SCN10A: variants seen among roughly 807,000 people sequenced by gnomAD.
SCN10A encodes sodium channel protein type 10 subunit alpha.
In SCN10A, 162 loss-of-function variants were observed where a neutral mutation model predicts 170.7. That is an observed-to-expected ratio of 0.95 (90% CI 0.84 to 1.08). SCN10A has a LOEUF of 1.08. Among genes scored for constraint, SCN10A ranks in the 50% least tolerant of loss-of-function variants. The pLI is 0.00. For missense variants in SCN10A, 2,527 were observed against 2,436.9 expected (o/e 1.04, Z -0.78); for synonymous variants, 985 against 904.6 (o/e 1.09, Z -1.59).
At chr3:38,725,107 C>G (rs933889192) in intron 18 of SCN10A, 67 bp downstream of exon 18, 2 of 1,445,840 alleles carry the variant, frequency 1.4e-6, no homozygotes. Context: ...CACCCTCCAG[C>G]CTCTACCAGC....
chr3:38,801,160 G>A (rs965622455), intron 1 of SCN10A, among the ~76,000 whole-genome samples: 18 of 152,038 alleles, frequency 1.2e-4, no homozygotes, highest in African/African-American at 4.3e-4. Flanking sequence ...ATGTTTCTCT[G>A]ATTACACAAC....
intron 11 of SCN10A, among the ~76,000 whole-genome samples, chr3:38,755,345 T>C (rs1483084353): frequency 6.6e-6 from 1 of 152,008 alleles, no homozygotes; most frequent in African/African-American, 2.4e-5. Context: ...CCTTGCACTC[T>C]AGAACTGCAG....
chr3:38,761,518 C>A, intron 6 of SCN10A, 135 bp from the exon 7 acceptor site: 1 of 578,062 alleles, frequency 1.7e-6, no homozygotes, highest in East Asian at 3.1e-5. Flanking sequence ...AGTTCCAAGA[C>A]CTTTCTCATC....
At chr3:38,786,442 T>C (rs1030239268) in intron 4 of SCN10A, among the ~76,000 whole-genome samples, 8 of 151,562 alleles carry the variant, frequency 5.3e-5, no homozygotes, top group Non-Finnish European at 8.8e-5. Context: ...AGCACGTGGA[T>C]ACAGGGAGGG....
In SCN10A at chr3:38,757,111, A is replaced by G; in HGVS notation, c.999T>C (p.Asp333=). 6.2e-7 allele frequency: 1 copy of G among 1,613,538 alleles called. No homozygotes were observed. Among genetic ancestry groups the G allele is most frequent in the Non-Finnish European group, 8.5e-7 (1 of 1,179,732 alleles). Reference sequence around the variant, plus strand: ...AGGAATCAAAGCTGGTGTAGTTAAAATCCGGGTTGTCAGAAGTTTTAAGGC... The same window carrying G: ...AGGAATCAAAGCTGGTGTAGTTAAAGTCCGGGTTGTCAGAAGTTTTAAGGC... ...YICLKTSDNP[D]FNYTSFDSFA... The change falls in exon 9 of 28, where the codon GAT becomes GAC. Residue 333 remains aspartate (D), a synonymous_variant. Coordinates refer to ENST00000449082, the MANE Select transcript of SCN10A (RefSeq NM_006514.4).
chr3:38,763,435 G>T, intron 6 of SCN10A, 70 bp downstream of exon 6: 3 of 1,206,084 alleles, frequency 2.5e-6, no homozygotes, highest in Non-Finnish European at 3.7e-6. Context: ...ACCTTACAGG[G>T]TTCTTGTGAA....
intron 1 of SCN10A, among the ~76,000 whole-genome samples, chr3:38,798,125 A>G (rs1350613694): frequency 6.6e-6 from 1 of 152,214 alleles, no homozygotes; most frequent in Non-Finnish European, 1.5e-5. Flanking sequence ...TCTGAGAGCT[A>G]TTTCTAGGAA....
chr3:38,768,039 CT>C (rs2126038079), intron 5 of SCN10A, among the ~76,000 whole-genome samples: 1 of 152,118 alleles, frequency 6.6e-6, no homozygotes, highest in South Asian at 2.1e-4. Flanking sequence ...TCTGTTTTCT[CT>C]GATATAAGAA....
chr3:38,722,113 T>C (rs1575954003), intron 20 of SCN10A, 145 bp downstream of exon 20: 1 of 799,522 alleles, frequency 1.3e-6, no homozygotes, highest in South Asian at 1.8e-5. Context: ...GCCCTCGCCC[T>C]GGGCTGCAGC....
At chr3:38,794,349 C>T (rs1360446230) in intron 1 of SCN10A, among the ~76,000 whole-genome samples, 1 of 152,210 alleles carries the variant, frequency 6.6e-6, no homozygotes, top group Non-Finnish European at 1.5e-5. Context: ...ATGCTGCCCT[C>T]TCTCCTCATT....
chr3:38,705,758 C>T (rs1222736975), intron 26 of SCN10A, among the ~76,000 whole-genome samples: 2 of 152,046 alleles, frequency 1.3e-5, no homozygotes, highest in Non-Finnish European at 2.9e-5. Flanking sequence ...CAAGGGTTGT[C>T]CCTAGCACAC....
At chr3:38,700,374 G>A (rs2063143903) in intron 27 of SCN10A, among the ~76,000 whole-genome samples, 1 of 152,158 alleles carries the variant, frequency 6.6e-6, no homozygotes, top group South Asian at 2.1e-4. Context: ...TTATAGCATA[G>A]TCCCTATAGT....
chr3:38,709,955 C>G (rs747806350), intron 24 of SCN10A, among the ~76,000 whole-genome samples: 1 of 152,192 alleles, frequency 6.6e-6, no homozygotes, highest in Non-Finnish European at 1.5e-5. Flanking sequence ...AGGGTTGCCC[C>G]TAGGGACATT....
intron 3 of SCN10A, among the ~76,000 whole-genome samples, chr3:38,789,863 G>T (rs769076003): frequency 6.6e-5 from 10 of 152,098 alleles, no homozygotes; most frequent in Non-Finnish European, 2.9e-5. Context: ...TTCCCACTTG[G>T]ACATTTTTCT....
intron 19 of SCN10A, among the ~76,000 whole-genome samples, chr3:38,722,697 C>A (rs934568773): frequency 2.0e-5 from 3 of 152,114 alleles, no homozygotes; most frequent in Non-Finnish European, 4.4e-5. Context: ...CCCACCTATA[C>A]CTGGAAAACA....
At chr3:38,769,408 T>G (rs2063973399) in intron 5 of SCN10A, among the ~76,000 whole-genome samples, 1 of 152,038 alleles carries the variant, frequency 6.6e-6, no homozygotes. Context: ...CTAGCTAATT[T>G]TGTATTTTTT....
rs1199729142 is a variant in SCN10A, at chr3:38,728,704, G to C, written c.2478C>G (p.Asp826Glu). Residue 826 changes from aspartate to glutamate, a missense_variant, in exon 16 of 28, where the codon GAC becomes GAG. Coordinates refer to ENST00000449082, the MANE Select transcript of SCN10A (RefSeq NM_006514.4). ...NRKNISAPHE[D>E]WPRWHMHDFF... is the part of the protein sequence containing the mutation. ...AGTCGTGCATGTGCCAGCGGGGCCA[G>C]TCTTCATGGGGCGCGGAGATATTTT... is the stretch of plus-strand genomic sequence containing the variant. 6.2e-7 allele frequency: 1 copy of C among 1,614,124 alleles called. No homozygotes were observed. The highest frequency in any genetic ancestry group is 8.5e-7 in the Non-Finnish European group (1 of 1,180,052).
At position 38,742,430 on chromosome 3, in the gene SCN10A, G is replaced by T; in HGVS notation, c.1967C>A (p.Thr656Lys). The T allele has an allele frequency of 6.2e-7, 1 of 1,614,178 alleles. No homozygotes were observed. The highest frequency in any genetic ancestry group is 8.5e-7 in the Non-Finnish European group (1 of 1,180,020). Residue 656 changes from threonine to lysine, a missense_variant, in exon 14 of 28, where the codon ACA becomes AAA. By Grantham distance (78) the Thr-to-Lys change is moderately conservative (BLOSUM62 -1). Transcript: ENST00000449082. ...ATCCGTCACAAGCCCAAAGAGAATTGTCTTGAGCTTCACCCACATGGGGCA... is the reference window on the plus strand; with the variant it reads ...ATCCGTCACAAGCCCAAAGAGAATTTTCTTGAGCTTCACCCACATGGGGCA... ...DCCPMWVKLK[T>K]ILFGLVTDPF...
intron 20 of SCN10A, among the ~76,000 whole-genome samples, chr3:38,721,765 G>GCT (rs1008699775): frequency 1.3e-5 from 2 of 152,230 alleles, no homozygotes; most frequent in African/African-American, 4.8e-5. Context: ...CTATTGTAAT[G>GCT]ATTTTCTGTG....
Sources: gnomAD v4.1 joint callset for allele counts (sites outside exome capture counted in the v4.1 genomes callset) on GRCh38, gnomAD v4.1.1 for gene constraint, MANE v1.5 for transcripts, NCBI Gene and HGNC (gene_info 2026-07-23, HGNC 2026-07-21) for gene names.